SLC20A2: variants seen among roughly 807,000 people sequenced by gnomAD.
The protein encoded by SLC20A2 is solute carrier family 20 member 2, also known as sodium-dependent phosphate transporter 2.
A neutral mutation model predicts 61.0 loss-of-function variants in SLC20A2; 30 were observed. That is an observed-to-expected ratio of 0.49 (90% CI 0.37 to 0.67). The LOEUF is 0.67. SLC20A2 is among the 30% of genes least tolerant of loss of function. The probability of loss-of-function intolerance (pLI) is 0.00; values close to 1 mark genes in which losing one functional copy is unlikely to be tolerated. For synonymous variants in SLC20A2, 351 were observed against 353.3 expected, an observed-to-expected ratio of 0.99 and a Z score of 0.07; for missense variants, 626 against 866.4, an observed-to-expected ratio of 0.72 and a Z score of 3.48.
chr8:42,505,546 G>A (rs540991060), upstream of SLC20A2, among the ~76,000 whole-genome samples: 1 of 152,284 alleles, frequency 6.6e-6, no homozygotes, highest in Admixed American at 6.5e-5. Context: ...ATAGGTCATG[G>A]AGAAATCAGG....
At chr8:42,531,880 G>A (rs995677434) in intron 1 of SLC20A2, among the ~76,000 whole-genome samples, 12 of 150,344 alleles carry the variant, frequency 8.0e-5, no homozygotes, top group East Asian at 2.0e-4. Context: ...GTGCAGTGGC[G>A]CGATCTCAGC....
intron 2 of SLC20A2, among the ~76,000 whole-genome samples, chr8:42,467,847 A>G (rs1807304598): frequency 6.6e-6 from 1 of 152,222 alleles, no homozygotes; most frequent in Non-Finnish European, 1.5e-5. Context: ...TGGTTTTAAA[A>G]AGAAAGCCAG....
intron 1 of SLC20A2, among the ~76,000 whole-genome samples, chr8:42,499,179 C>A: frequency 6.6e-6 from 1 of 152,124 alleles, no homozygotes. Context: ...GGCTCCTGGA[C>A]TCCTCCTGCG....
intron 5 of SLC20A2, among the ~76,000 whole-genome samples, chr8:42,455,257 T>TAGAG (rs71548583): frequency 0.016 from 1,306 of 81,544 alleles, 28 homozygotes; most frequent in African/African-American, 0.024. Context: ...TATATATATA[T>TAGAG]AGAGAGAGAG....
intron 10 of SLC20A2, among the ~76,000 whole-genome samples, chr8:42,418,810 A>G (rs1333085703): frequency 6.6e-6 from 1 of 151,766 alleles, no homozygotes; most frequent in Non-Finnish European, 1.5e-5. Context: ...CATCCTGGCT[A>G]ACACGGTGAA....
chr8:42,451,353 G>A (rs181441849), intron 5 of SLC20A2, among the ~76,000 whole-genome samples: 2 of 148,084 alleles, frequency 1.4e-5, no homozygotes, highest in Non-Finnish European at 3.0e-5. Context: ...AGAGATGGAG[G>A]AGGAGGAAGA....
rs1804346600 is a variant in SLC20A2, at chr8:42,437,221, C to T, written c.1291G>A (p.Asp431Asn). The T allele has an allele frequency of 6.2e-7, 1 of 1,613,762 alleles. No homozygotes were observed. The highest frequency in any genetic ancestry group is 8.5e-7 in the Non-Finnish European group (1 of 1,180,040). The change falls in exon 8 of 11, where the codon GAC (aspartate) becomes AAC (asparagine). Residue 431 changes from aspartate to asparagine, a missense_variant. Coordinates refer to ENST00000520262, the MANE Select transcript of SLC20A2 (RefSeq NM_001257180.2). The surrounding 1 kb of genome is among the most constrained non-coding windows in gnomAD (Gnocchi z 6.4). ...GCGTTACAGTAGCTCGAGTAGCTGT[C>T]GTAGCGCAGCCTCTTCTTGGAGTAG... The part of the protein sequence containing the change: ...VSYSKKRLRY[D>N]SYSSYCNAVA...
chr8:42,460,022 G>A (rs1563483774), intron 4 of SLC20A2, 30 bp from the exon 5 acceptor site: 3 of 1,268,094 alleles, frequency 2.4e-6, no homozygotes, highest in Non-Finnish European at 3.5e-6. Context: ...CAGAGTGGAA[G>A]GTCAGGATCC....
chr8:42,422,603 G>A (rs1803120901), intron 10 of SLC20A2, among the ~76,000 whole-genome samples: 1 of 152,042 alleles, frequency 6.6e-6, no homozygotes, highest in Non-Finnish European at 1.5e-5. Context: ...AATTCCTCTA[G>A]TCAGCAGTAT....
At chr8:42,519,020 C>A (rs1398473586) in intron 1 of SLC20A2, among the ~76,000 whole-genome samples, 1 of 152,220 alleles carries the variant, frequency 6.6e-6, no homozygotes, top group African/African-American at 2.4e-5. Flanking sequence ...GCACAGTAGT[C>A]TAATGCACAG....
intron 1 of SLC20A2, among the ~76,000 whole-genome samples, chr8:42,523,891 G>A (rs1414912528): frequency 6.6e-6 from 1 of 152,178 alleles, no homozygotes; most frequent in African/African-American, 2.4e-5. Context: ...TTCTTCTTGT[G>A]ATATGTCCTT....
intron 1 of SLC20A2, among the ~76,000 whole-genome samples, chr8:42,528,711 G>A (rs928017313): frequency 1.3e-5 from 2 of 151,776 alleles, no homozygotes; most frequent in African/African-American, 4.8e-5. Context: ...TCATTGCCCA[G>A]GCTGGAGTGC....
rs1269003143 is a variant in SLC20A2, at chr8:42,439,577, T to G, written c.807A>C (p.Pro269=). 6.2e-7 allele frequency: 1 copy of G among 1,614,206 alleles called. No homozygotes were observed. Among genetic ancestry groups the G allele is most frequent in the Non-Finnish European group, 8.5e-7 (1 of 1,180,010 alleles). The change falls in exon 7 of 11, where the codon CCA becomes CCC. Residue 269 remains proline (P), a synonymous_variant. Coordinates refer to ENST00000520262, the MANE Select transcript of SLC20A2 (RefSeq NM_001257180.2). The stretch of plus-strand genomic sequence containing the variant: ...TGGCACCTGGTAGCTCTTTAAATAC[T>G]GGGGACTCTGCTTCCTGAACCTTAC... ...SLSKVQEAES[P]VFKELPGAKA... is the part of the protein sequence containing the mutation.
chr8:42,526,479 C>G (rs1262906914), intron 1 of SLC20A2, among the ~76,000 whole-genome samples: 2 of 152,002 alleles, frequency 1.3e-5, no homozygotes, highest in African/African-American at 2.4e-5. Context: ...CGAGACCCTC[C>G]TGGCTAACAC....
In SLC20A2 at chr8:42,459,970, A is replaced by T. The variant is rs768443722; in HGVS notation, c.539T>A (p.Leu180His). ...LKKEDPVPNG[L>H]RALPVFYAAT... ...AGCATAGAATACTGGGAGTGCCCGGAGGCCATTGGGAACAGGGTCTTCCTG... is the reference window on the plus strand; with the variant it reads ...AGCATAGAATACTGGGAGTGCCCGGTGGCCATTGGGAACAGGGTCTTCCTG... Residue 180 changes from leucine (L) to histidine (H), a missense_variant, in exon 5 of 11, where the codon CTC (leucine) becomes CAC (histidine). Around this residue, in one of 3 missense-constraint regions of SLC20A2, gnomAD observed 361 missense variants for 422.3 expected, o/e 0.85. Transcript: ENST00000520262. 1.9e-6 allele frequency: 3 copies of T among 1,612,260 alleles called. No individual in the cohort carries two copies. Among genetic ancestry groups the T allele is most frequent in the Non-Finnish European group, 2.5e-6 (3 of 1,178,670 alleles).
chr8:42,464,835 C>T (rs183920661), intron 3 of SLC20A2, among the ~76,000 whole-genome samples: 396 of 151,832 alleles, frequency 2.6e-3, no homozygotes, highest in African/African-American at 9.2e-3. Context: ...ATGAGCTGGG[C>T]GTGGTGGCAT....
chr8:42,535,359 T>C (rs1453702174), intron 1 of SLC20A2: 1 of 151,442 alleles, frequency 6.6e-6, no homozygotes, highest in Non-Finnish European at 1.5e-5. Flanking sequence ...AAGTTGAAAA[T>C]CAACTAGATT....
At chr8:42,488,321 G>T (rs1809211010) in intron 1 of SLC20A2, among the ~76,000 whole-genome samples, 1 of 151,608 alleles carries the variant, frequency 6.6e-6, no homozygotes, top group South Asian at 2.1e-4. Flanking sequence ...GAGTAGCAGG[G>T]ATTACAGGTG....
rs768674036 is a variant in SLC20A2, at chr8:42,436,945, G to T, written c.1523+44C>A. On this transcript the variant is annotated intron_variant, in intron 8 of 10. Coordinates refer to ENST00000520262, the MANE Select transcript of SLC20A2 (RefSeq NM_001257180.2). ...ACCCGCACAGCGCTGGCCCCTGGCGGAGCCTCAAGGACCCTTGTTGAATGA... is the reference window on the plus strand; with the variant it reads ...ACCCGCACAGCGCTGGCCCCTGGCGTAGCCTCAAGGACCCTTGTTGAATGA... The T allele has an allele frequency of 5.9e-6, 9 of 1,528,300 alleles. No individual in the cohort carries two copies. In the Admixed American group the frequency reaches 1.7e-4, roughly 29 times the overall value. The allele number at this position is 1,528,300 out of a possible 1,614,324, so 94.7% of individuals were successfully genotyped here.
Sources: allele counts gnomAD v4.1 joint callset (sites outside exome capture counted in the v4.1 genomes callset), GRCh38; gene constraint gnomAD v4.1.1; regional missense constraint gnomAD v4.1.1; non-coding constraint Gnocchi (gnomAD v3.1); transcripts MANE v1.5; gene names NCBI Gene and HGNC (gene_info 2026-07-23, HGNC 2026-07-21).